The following MECOM variants were observed in gnomAD, a reference collection of about 807,000 sequenced individuals.
MECOM encodes MDS1 and EVI1 complex locus.
In MECOM, 13 loss-of-function variants were observed where a neutral mutation model predicts 116.3. The observed-to-expected ratio is 0.11, with a 90% confidence interval of 0.07 to 0.18. The LOEUF (loss-of-function observed/expected upper bound fraction) is 0.18, where lower values mean the gene tolerates loss of function less well. MECOM is among the 10% of genes least tolerant of loss of function. MECOM has a pLI of 1.00. For missense variants in MECOM, 1,299 were observed against 1,509.0 expected, an observed-to-expected ratio of 0.86 and a Z score of 2.31; for synonymous variants, 528 against 535.2, an observed-to-expected ratio of 0.99 and a Z score of 0.19.
intron 1 of MECOM, among the ~76,000 whole-genome samples, chr3:169,606,657 T>C (rs1768607173): frequency 6.6e-6 from 1 of 152,094 alleles, no homozygotes; most frequent in Non-Finnish European, 1.5e-5. Flanking sequence ...CCCAGACAGG[T>C]AGGAAGCTCT....
At chr3:169,220,107 A>G (rs1403779509) in intron 2 of MECOM, among the ~76,000 whole-genome samples, 1 of 152,074 alleles carries the variant, frequency 6.6e-6, no homozygotes, top group African/African-American at 2.4e-5. Flanking sequence ...CAGGTGGATC[A>G]CTTGAGTTTA....
chr3:169,432,158 C>T (rs957373467), intron 1 of MECOM, among the ~76,000 whole-genome samples: 23 of 150,032 alleles, frequency 1.5e-4, no homozygotes, highest in Non-Finnish European at 2.2e-4. Context: ...TGTGATAGTA[C>T]TACTGTCTTT....
intron 2 of MECOM, among the ~76,000 whole-genome samples, chr3:169,162,380 C>T (rs963731465): frequency 6.6e-6 from 1 of 152,092 alleles, no homozygotes; most frequent in African/African-American, 2.4e-5. Context: ...CTTGAAAGAA[C>T]GGCAAATAGT....
At position 169,663,486 on chromosome 3, in the gene MECOM, CT is replaced by C. The variant is rs1776599456; in HGVS notation, c.-115del. 15 of 281,724 alleles carry C rather than the reference CT, an allele frequency of 5.3e-5. No individual in the cohort carries two copies. Among genetic ancestry groups the C allele is most frequent in the Admixed American group, 4.2e-4 (7 of 16,830 alleles). 17.5% of individuals were successfully genotyped at this position (281,724 alleles called of 1,614,324 possible). ...CCCTCTCTCTCCTGTCTCTCTCTCT[CT>C]CTCTCTCTCTCTCTCTCTCTCTCTC... On this transcript the variant is annotated 5_prime_UTR_variant, in exon 1 of 17. Coordinates refer to ENST00000651503, the MANE Select transcript of MECOM (RefSeq NM_004991.4).
intron 9 of MECOM, among the ~76,000 whole-genome samples, chr3:169,112,114 A>T (rs951530247): frequency 3.9e-5 from 6 of 152,150 alleles, no homozygotes; most frequent in Non-Finnish European, 8.8e-5. Context: ...GATTTTCCAC[A>T]TGGTGGAAAA....
At chr3:169,425,156 A>G (rs1054063344) in intron 1 of MECOM, among the ~76,000 whole-genome samples, 6 of 150,838 alleles carry the variant, frequency 4.0e-5, no homozygotes, top group Admixed American at 4.0e-4. Flanking sequence ...AAAATTTATA[A>G]GCTTACAGAA....
chr3:169,522,906 C>G (rs1757522280), intron 1 of MECOM, among the ~76,000 whole-genome samples: 1 of 152,054 alleles, frequency 6.6e-6, no homozygotes, highest in South Asian at 2.1e-4. Flanking sequence ...TGTAAAGAAC[C>G]AGTATTTAGT....
intron 3 of MECOM, among the ~76,000 whole-genome samples, chr3:169,140,837 G>T (rs1465584523): frequency 6.6e-6 from 1 of 151,854 alleles, no homozygotes. Flanking sequence ...ATACAAAATA[G>T]ATTACATCTT....
chr3:169,592,237 A>G (rs1766509281), intron 1 of MECOM, among the ~76,000 whole-genome samples: 1 of 152,202 alleles, frequency 6.6e-6, no homozygotes, highest in Non-Finnish European at 1.5e-5. Context: ...CTGTTCACAA[A>G]AACTTGCTGG....
chr3:169,537,546 T>C (rs943599301), intron 1 of MECOM, among the ~76,000 whole-genome samples: 1 of 152,136 alleles, frequency 6.6e-6, no homozygotes, highest in African/African-American at 2.4e-5. Context: ...GTTAGTGAGG[T>C]TCCCCCTCAA....
chr3:169,112,748 T>C, intron 9 of MECOM, 39 bp downstream of exon 9: 1 of 1,474,870 alleles, frequency 6.8e-7, no homozygotes, highest in Non-Finnish European at 9.4e-7. Flanking sequence ...ATCAACAAGT[T>C]AGTTTACAAG....
intron 2 of MECOM, among the ~76,000 whole-genome samples, chr3:169,197,992 A>T (rs1206520319): frequency 3.9e-5 from 6 of 152,052 alleles, no homozygotes; most frequent in Non-Finnish European, 5.9e-5. Context: ...GCTAAAAACA[A>T]ATACCAAATC....
chr3:169,335,113 A>G (rs1475626972), intron 2 of MECOM, among the ~76,000 whole-genome samples: 1 of 152,108 alleles, frequency 6.6e-6, no homozygotes, highest in Admixed American at 6.6e-5. Flanking sequence ...GGTGGCTATC[A>G]TTCTATTTTT....
chr3:169,250,435 T>C (rs1756119190), intron 2 of MECOM, among the ~76,000 whole-genome samples: 1 of 152,160 alleles, frequency 6.6e-6, no homozygotes, highest in East Asian at 1.9e-4. Flanking sequence ...GTGAAGACCT[T>C]TATGCAAAAT....
intron 2 of MECOM, among the ~76,000 whole-genome samples, chr3:169,356,385 T>C (rs1195036021): frequency 1.3e-5 from 2 of 151,920 alleles, no homozygotes; most frequent in African/African-American, 4.8e-5. Flanking sequence ...TAAGAGTTTT[T>C]TGTATAAAAA....
At chr3:169,485,064 G>A (rs771293222) in intron 1 of MECOM, among the ~76,000 whole-genome samples, 2 of 151,844 alleles carry the variant, frequency 1.3e-5, no homozygotes, top group Non-Finnish European at 2.9e-5. Context: ...GTATGATATC[G>A]GCTCACTGCA....
At chr3:169,536,347 CT>C (rs10634392) in intron 1 of MECOM, among the ~76,000 whole-genome samples, 2,447 of 116,070 alleles carry the variant, frequency 0.021, 16 homozygotes, top group Middle Eastern at 0.036. Flanking sequence ...AATGTCTCTC[CT>C]TTTTTTTTTT....
intron 1 of MECOM, among the ~76,000 whole-genome samples, chr3:169,527,604 T>C (rs543962720): frequency 7.7e-4 from 118 of 152,292 alleles, no homozygotes; most frequent in Middle Eastern, 3.4e-3. Context: ...TTCTTAATAA[T>C]TCTGGCAGCC....
chr3:169,105,616 A>G (rs551834886), intron 10 of MECOM, among the ~76,000 whole-genome samples: 8 of 152,292 alleles, frequency 5.3e-5, no homozygotes, highest in African/African-American at 1.9e-4. Context: ...AAATTAGATC[A>G]TATATTTTAA....
Sources: gnomAD v4.1 joint callset for allele counts (sites outside exome capture counted in the v4.1 genomes callset) on GRCh38, gnomAD v4.1.1 for gene constraint, MANE v1.5 for transcripts, NCBI Gene and HGNC (gene_info 2026-07-23, HGNC 2026-07-21) for gene names.